SOWAHA: variants seen among roughly 807,000 people sequenced by gnomAD.
SOWAHA encodes the protein sosondowah ankyrin repeat domain family member A.
SOWAHA carries 17 observed loss-of-function variants against 21.1 expected under a neutral mutation model. That is an observed-to-expected ratio of 0.80 (90% CI 0.55 to 1.21). SOWAHA has a LOEUF of 1.21. Among genes scored for constraint, SOWAHA ranks in the 50% most tolerant of loss-of-function variants. The pLI is 0.00. For missense variants in SOWAHA, 862 were observed against 816.0 expected (o/e 1.06, Z -0.69); for synonymous variants, 422 against 397.1 (o/e 1.06, Z -0.75).
In SOWAHA at chr5:132,813,824, T is replaced by G; in HGVS notation, c.203T>G (p.Val68Gly). Reference protein sequence around the residue: ...FKQFVNNVAVVKELDGVKFVV... With the variant: ...FKQFVNNVAVGKELDGVKFVV... ...CAGTTCGTCAACAACGTGGCGGTGG[T>G]GAAGGAGCTCGACGGCGTCAAGTTC... The change falls in exon 1 of 1, where the codon GTG becomes GGG. Residue 68 changes from valine to glycine, a missense_variant. Coordinates refer to ENST00000378693, the MANE Select transcript of SOWAHA (RefSeq NM_175873.6). 1 of 1,548,962 alleles carries G rather than the reference T, an allele frequency of 6.5e-7. No homozygotes were observed. The highest frequency in any genetic ancestry group is 8.7e-7 in the Non-Finnish European group (1 of 1,146,256).
At position 132,815,175 on chromosome 5, in the gene SOWAHA, G is replaced by T. The variant is rs755388901; in HGVS notation, c.1554G>T (p.Lys518Asn). 2 of 1,614,006 alleles carry T rather than the reference G, an allele frequency of 1.2e-6. No homozygotes were observed. Among genetic ancestry groups the T allele is most frequent in the Non-Finnish European group, 1.7e-6 (2 of 1,180,042 alleles). ...CCATGGCTCCACGTAAAAAGACAAA[G>T]ATCCGCGGTGGTCTGCCAGCCTTCT... ...ASPMAPRKKTKIRGGLPAFSE... is the reference protein window; with the variant it reads ...ASPMAPRKKTNIRGGLPAFSE... Residue 518 changes from lysine (K) to asparagine (N), a missense_variant, in exon 1 of 1, where the codon AAG becomes AAT. By Grantham distance (94) the Lys-to-Asn change is moderately conservative (BLOSUM62 0). Transcript: ENST00000378693.
At position 132,815,329 on chromosome 5, in the gene SOWAHA, C is replaced by A; in HGVS notation, c.*58C>A. The A allele has an allele frequency of 1.4e-6, 2 of 1,456,324 alleles. No individual in the cohort carries two copies. Among genetic ancestry groups the A allele is most frequent in the African/African-American group, 1.4e-5 (1 of 71,216 alleles). 90.2% of individuals were successfully genotyped at this position (1,456,324 alleles called of 1,614,324 possible). ...CGTGGCCTGCTCGTCGCAGTCCAAA[C>A]CCGCCCAAGACTGCAGCCCAATCAA... On this transcript the variant is annotated 3_prime_UTR_variant, in exon 1 of 1. Coordinates refer to ENST00000378693, the MANE Select transcript of SOWAHA (RefSeq NM_175873.6).
In SOWAHA at chr5:132,814,614, G is replaced by A. The variant is rs1034966911; in HGVS notation, c.993G>A (p.Leu331=). Residue 331 remains leucine (L), a synonymous_variant, in exon 1 of 1, where the codon CTG becomes CTA. Coordinates refer to ENST00000378693, the MANE Select transcript of SOWAHA (RefSeq NM_175873.6). The part of the protein sequence containing the change: ...GRWTHQLHGL[L]LRDRGLAAKR... ...GGACCCACCAGCTGCACGGGCTGCT[G>A]CTGCGCGACCGCGGCTTGGCGGCCA... is the stretch of plus-strand genomic sequence containing the variant. The A allele has an allele frequency of 2.0e-6, 3 of 1,518,988 alleles. No individual in the cohort carries two copies. The African/African-American group carries it at 4.2e-5, about 21-fold the overall frequency. 94.1% of individuals were successfully genotyped at this position (1,518,988 alleles called of 1,614,324 possible).
Position 132,815,437 on chromosome 5 carries a change from G to A in SOWAHA, c.*166G>A. The A allele has an allele frequency of 1.7e-6, 1 of 598,214 alleles. No homozygotes were observed. Among genetic ancestry groups the A allele is most frequent in the African/African-American group, 1.9e-5 (1 of 54,006 alleles). 37.1% of individuals were successfully genotyped at this position (598,214 alleles called of 1,614,324 possible). On this transcript the variant is annotated 3_prime_UTR_variant, in exon 1 of 1. Coordinates refer to ENST00000378693, the MANE Select transcript of SOWAHA (RefSeq NM_175873.6). The stretch of plus-strand genomic sequence containing the variant: ...GGGCCTGCACCTCCAGCTTCTTTCT[G>A]AAGCATGACCCATCTCCAGAGATGG...
At position 132,814,358 on chromosome 5, in the gene SOWAHA, A is replaced by G. The variant is rs2150021882; in HGVS notation, c.737A>G (p.Glu246Gly). The stretch of plus-strand genomic sequence containing the variant: ...GGCCTGCGCCGGCAGCTGTCGGAGG[A>G]GCCGAGCCCGCGGAGCTCCCCTCTG... ...EPGLRRQLSE[E>G]PSPRSSPLLL... The change falls in exon 1 of 1, where the codon GAG (glutamate) becomes GGG (glycine). Residue 246 changes from glutamate to glycine, a missense_variant. Glu to Gly is a moderately conservative substitution (Grantham distance 98, BLOSUM62 -2). Coordinates refer to ENST00000378693, the MANE Select transcript of SOWAHA (RefSeq NM_175873.6). The G allele has an allele frequency of 6.7e-7, 1 of 1,487,844 alleles. No individual in the cohort carries two copies. The highest frequency in any genetic ancestry group is 1.3e-5 in the South Asian group (1 of 79,326). 92.2% of individuals were successfully genotyped at this position (1,487,844 alleles called of 1,614,324 possible).
rs1304408576 is a variant in SOWAHA, at chr5:132,814,177, A to C, written c.556A>C (p.Arg186=). Residue 186 remains arginine, a synonymous_variant, in exon 1 of 1, where the codon AGG becomes CGG. Coordinates refer to ENST00000378693, the MANE Select transcript of SOWAHA (RefSeq NM_175873.6). ...CTCCGCAGACGCGGCCCCACCGCCT[A>C]GGGCCCCTTCTGAGGCGGCATCGCC... The part of the protein sequence containing the change: ...RPSADAAPPP[R]APSEAASPCS... 2 of 1,596,652 alleles carry C rather than the reference A, an allele frequency of 1.3e-6. No homozygotes were observed. Among genetic ancestry groups the C allele is most frequent in the African/African-American group, 2.7e-5 (2 of 74,272 alleles).
Position 132,813,892 on chromosome 5 carries a change from G to A in SOWAHA, c.271G>A (p.Ala91Thr). The A allele has an allele frequency of 6.5e-7, 1 of 1,547,498 alleles. No individual in the cohort carries two copies. Residue 91 changes from alanine (A) to threonine (T), a missense_variant, in exon 1 of 1, where the codon GCA becomes ACA. Ala to Thr is a moderately conservative substitution (Grantham distance 58). Transcript: ENST00000378693. ...GCCCCGGCCCCCGGAGCCCGAGCCC[G>A]CACCCTTCGGCCCCCCGGGGGCAGC... ...KKPRPPEPEP[A>T]PFGPPGAAAQ... is the part of the protein sequence containing the mutation.
chr5:132,815,248 C>T lies in SOWAHA; in HGVS notation c.1627C>T (p.Pro543Ser). The change falls in exon 1 of 1, where the codon CCC (proline) becomes TCC (serine). Residue 543 changes from proline (P) to serine (S), a missense_variant. Pro to Ser is a moderately conservative substitution (Grantham distance 74). Transcript: ENST00000378693. ...TCCGGGGCCTTTAGCTGGTCTAGTGCCCAGTTTGCCTCCAACAACCTGAAG... is the reference window on the plus strand; with the variant it reads ...TCCGGGGCCTTTAGCTGGTCTAGTGTCCAGTTTGCCTCCAACAACCTGAAG... The part of the protein sequence containing the change: ...PTPGPLAGLV[P>S]SLPPTT 1.9e-6 allele frequency: 3 copies of T among 1,610,842 alleles called. No individual in the cohort carries two copies. Among genetic ancestry groups the T allele is most frequent in the East Asian group, 2.2e-5 (1 of 44,790 alleles).
chr5:132,814,762 C>A lies in SOWAHA; in HGVS notation c.1141C>A (p.Arg381Ser). Reference protein sequence around the residue: ...RSGAPVDVNARSHGGYTPLHL... With the variant: ...RSGAPVDVNASSHGGYTPLHL... ...TGGCGCACCAGTCGACGTGAACGCA[C>A]GCTCCCACGGCGGCTACACGCCGCT... The change falls in exon 1 of 1, where the codon CGC becomes AGC. Residue 381 changes from arginine to serine, a missense_variant. Coordinates refer to ENST00000378693, the MANE Select transcript of SOWAHA (RefSeq NM_175873.6). 1 of 1,530,980 alleles carries A rather than the reference C, an allele frequency of 6.5e-7. No homozygotes were observed. Among genetic ancestry groups the A allele is most frequent in the Non-Finnish European group, 8.7e-7 (1 of 1,143,770 alleles). 94.8% of individuals were successfully genotyped at this position (1,530,980 alleles called of 1,614,324 possible). A position where few individuals can be genotyped will look rare whatever the true frequency, so the allele number is the denominator to read the frequency against.
At position 132,813,374 on chromosome 5, in the gene SOWAHA, C is replaced by T. The variant is rs1256056105; in HGVS notation, c.-248C>T. On this transcript the variant is annotated 5_prime_UTR_variant, in exon 1 of 1. Transcript: ENST00000378693. ...GACAGAATACAAAGGCAGAAACCTA[C>T]CCCGAAGGCCGGGGCCCGGCGGGGC... Among the ~76,000 whole-genome samples, 1 of 151,898 alleles carries T rather than the reference C, an allele frequency of 6.6e-6. No individual in the cohort carries two copies. Among genetic ancestry groups the T allele is most frequent in the African/African-American group, 2.4e-5 (1 of 41,422 alleles).
Position 132,813,579 on chromosome 5 carries a change from C to T in SOWAHA, c.-43C>T, listed in dbSNP as rs943298906. On this transcript the variant is annotated 5_prime_UTR_variant, in exon 1 of 1. Coordinates refer to ENST00000378693, the MANE Select transcript of SOWAHA (RefSeq NM_175873.6). ...CGCTCCCGCGCGTCCCGCGGCGACGCGGCGCCCACCCGCCCCGGGAGCCAG... is the reference window on the plus strand; with the variant it reads ...CGCTCCCGCGCGTCCCGCGGCGACGTGGCGCCCACCCGCCCCGGGAGCCAG... 6.0e-6 allele frequency: 7 copies of T among 1,167,958 alleles called. No homozygotes were observed. In the African/African-American group the frequency reaches 1.1e-4, roughly 19 times the overall value. 72.3% of individuals were successfully genotyped at this position (1,167,958 alleles called of 1,614,324 possible). A position where few individuals can be genotyped will look rare whatever the true frequency, so the allele number is the denominator to read the frequency against.
chr5:132,815,112 G>A lies in SOWAHA; in HGVS notation c.1491G>A (p.Lys497=), dbSNP rs7719416. The change falls in exon 1 of 1, where the codon AAG becomes AAA. Residue 497 remains lysine (K), a synonymous_variant. Transcript: ENST00000378693. Reference sequence around the variant, plus strand: ...TCCAGGACCTGGCCCGAGGCTTGAAGAAGTCGAGCTCCTTCAGCAAGTTCT... The same window carrying A: ...TCCAGGACCTGGCCCGAGGCTTGAAAAAGTCGAGCTCCTTCAGCAAGTTCT... ...LMLQDLARGL[K]KSSSFSKFLS... is the part of the protein sequence containing the mutation. The A allele has an allele frequency of 6.3e-3, 10,142 of 1,614,010 alleles. 441 individuals carry two copies. In the African/African-American group the frequency reaches 0.11, roughly 17 times the overall value.
Position 132,814,701 on chromosome 5 carries a change from G to A in SOWAHA, c.1080G>A (p.Glu360=), listed in dbSNP as rs1305941281. The part of the protein sequence containing the change: ...LHWAAKSGDG[E]MALQLVEVAR... ...GGGCCGCCAAGAGCGGCGACGGCGA[G>A]ATGGCGCTGCAGCTGGTGGAGGTCG... The change falls in exon 1 of 1, where the codon GAG becomes GAA. Residue 360 remains glutamate (E), a synonymous_variant. Coordinates refer to ENST00000378693, the MANE Select transcript of SOWAHA (RefSeq NM_175873.6). The A allele has an allele frequency of 6.6e-7, 1 of 1,512,888 alleles. No homozygotes were observed. Among genetic ancestry groups the A allele is most frequent in the Admixed American group, 2.1e-5 (1 of 48,084 alleles). The allele number at this position is 1,512,888 out of a possible 1,614,324, so 93.7% of individuals were successfully genotyped here.
rs1758355376 is a variant in SOWAHA at position 132,814,515 on chromosome 5, C to T, written c.894C>T (p.Ala298=). The part of the protein sequence containing the change: ...LLSPDAEELP[A]APPPSAVPLE... Reference sequence around the variant, plus strand: ...GCCCTGACGCCGAGGAGTTGCCCGCCGCGCCGCCGCCGTCCGCGGTGCCCC... The same window carrying T: ...GCCCTGACGCCGAGGAGTTGCCCGCTGCGCCGCCGCCGTCCGCGGTGCCCC... The change falls in exon 1 of 1, where the codon GCC becomes GCT. Residue 298 remains alanine, a synonymous_variant. Transcript: ENST00000378693. The T allele has an allele frequency of 1.5e-6, 2 of 1,368,966 alleles. No homozygotes were observed. The allele number at this position is 1,368,966 out of a possible 1,614,324, so 84.8% of individuals were successfully genotyped here. A position where few individuals can be genotyped will look rare whatever the true frequency, so the allele number is the denominator to read the frequency against.
chr5:132,814,037 C>G lies in SOWAHA; in HGVS notation c.416C>G (p.Thr139Arg), dbSNP rs1056784623. ...VEPPGDLGLP[T>R]EPQDTPGGPA... ...CCGCCAGGGGACCTGGGTCTGCCAACAGAGCCACAGGACACCCCGGGGGGG... is the reference window on the plus strand; with the variant it reads ...CCGCCAGGGGACCTGGGTCTGCCAAGAGAGCCACAGGACACCCCGGGGGGG... Residue 139 changes from threonine to arginine, a missense_variant, in exon 1 of 1, where the codon ACA becomes AGA. By Grantham distance (71) the Thr-to-Arg change is moderately conservative (BLOSUM62 -1). Transcript: ENST00000378693. 6.4e-7 allele frequency: 1 copy of G among 1,554,430 alleles called. No homozygotes were observed.
chr5:132,813,645 CGCTGCG>C lies in SOWAHA; in HGVS notation c.30_35del (p.Ala11_Ala12del), dbSNP rs1758327636. On this transcript the variant is annotated inframe_deletion, in exon 1 of 1. Transcript: ENST00000378693. ...CCATGGCGCTGGCCGCCGCCGCCGC[CGCTGCG>C]GCTGCCGGGGTGAGCCAGGCGGCGG... 7.2e-7 allele frequency: 1 copy of C among 1,387,466 alleles called. No homozygotes were observed. Among genetic ancestry groups the C allele is most frequent in the South Asian group, 1.8e-5 (1 of 57,054 alleles). The allele number at this position is 1,387,466 out of a possible 1,614,324, so 85.9% of individuals were successfully genotyped here. A position where few individuals can be genotyped will look rare whatever the true frequency, so the allele number is the denominator to read the frequency against.
In SOWAHA at chr5:132,814,787, T is replaced by C. The variant is rs1758362880; in HGVS notation, c.1166T>C (p.Leu389Pro). 2.0e-6 allele frequency: 3 copies of C among 1,527,366 alleles called. No homozygotes were observed. Among genetic ancestry groups the C allele is most frequent in the Non-Finnish European group, 2.6e-6 (3 of 1,140,970 alleles). The allele number at this position is 1,527,366 out of a possible 1,614,324, so 94.6% of individuals were successfully genotyped here. The change falls in exon 1 of 1, where the codon CTG (leucine) becomes CCG (proline). Residue 389 changes from leucine to proline, a missense_variant. Leu to Pro is a moderately conservative substitution (Grantham distance 98). Transcript: ENST00000378693. ...CGCTCCCACGGCGGCTACACGCCGC[T>C]GCACCTGGCTGCACTGCACGGCCAC... is the stretch of plus-strand genomic sequence containing the variant. ...NARSHGGYTPLHLAALHGHED... is the reference protein window; with the variant it reads ...NARSHGGYTPPHLAALHGHED...
At position 132,814,590 on chromosome 5, in the gene SOWAHA, G is replaced by A; in HGVS notation, c.969G>A (p.Trp323Ter). The A allele has an allele frequency of 2.0e-6, 3 of 1,497,260 alleles. No homozygotes were observed. The highest frequency in any genetic ancestry group is 2.7e-6 in the Non-Finnish European group (3 of 1,130,668). 92.7% of individuals were successfully genotyped at this position (1,497,260 alleles called of 1,614,324 possible). Residue 323 changes from tryptophan to a stop codon, truncating the protein, a stop_gained, in exon 1 of 1, where the codon TGG (tryptophan) becomes TGA (stop). Transcript: ENST00000378693. LOFTEE classifies it high-confidence loss of function. ...TCGTGCGGACTGCCGGGGGCCGCTGGACCCACCAGCTGCACGGGCTGCTGC... is the reference window on the plus strand; with the variant it reads ...TCGTGCGGACTGCCGGGGGCCGCTGAACCCACCAGCTGCACGGGCTGCTGC... ...EWLVRTAGGRWTHQLHGLLLR... is the reference protein window; with the variant it reads ...EWLVRTAGGR
Position 132,814,448 on chromosome 5 carries a change from CG to C in SOWAHA, c.828del (p.His277ThrfsTer2). 1 of 1,462,596 alleles carries C rather than the reference CG, an allele frequency of 6.8e-7. No individual in the cohort carries two copies. Among genetic ancestry groups the C allele is most frequent in the Admixed American group, 2.6e-5 (1 of 38,962 alleles). 90.6% of individuals were successfully genotyped at this position (1,462,596 alleles called of 1,614,324 possible). A position where few individuals can be genotyped will look rare whatever the true frequency, so the allele number is the denominator to read the frequency against. On this transcript the variant is annotated frameshift_variant, in exon 1 of 1. Transcript: ENST00000378693. LOFTEE classifies it high-confidence loss of function. Reference sequence around the variant, plus strand: ...CTCGGCCTGGGCCCGGGCCGCTCCCCGCACCTGAGGCGCCTGTCGCGCGCCG... The same window carrying C: ...CTCGGCCTGGGCCCGGGCCGCTCCCCCACCTGAGGCGCCTGTCGCGCGCCG... ...LGLGLGPGRS[P>X]HLRRLSRAGP... is the part of the protein sequence containing the mutation.
Sources: gnomAD v4.1 joint callset for allele counts (sites outside exome capture counted in the v4.1 genomes callset) on GRCh38, gnomAD v4.1.1 for gene constraint, MANE v1.5 for transcripts, NCBI Gene and HGNC (gene_info 2026-07-23, HGNC 2026-07-21) for gene names.